The following TMEM17 variants were observed in gnomAD, a reference collection of about 807,000 sequenced individuals.
TMEM17 encodes the protein transmembrane protein 17.
In TMEM17, 15 loss-of-function variants were observed where a neutral mutation model predicts 19.1. The observed-to-expected ratio is 0.78, with a 90% CI of 0.52 to 1.21. TMEM17 has a LOEUF of 1.21. TMEM17 is among the 50% of genes most tolerant of loss of function. The probability of loss-of-function intolerance (pLI) is 0.00; values close to 1 mark genes in which losing one functional copy is unlikely to be tolerated. For synonymous variants in TMEM17, 103 were observed against 86.9 expected, an observed-to-expected ratio of 1.19 and a Z score of -1.03; for missense variants, 245 against 242.3, an observed-to-expected ratio of 1.01 and a Z score of -0.07.
the TMEM17 span, among the ~76,000 whole-genome samples, chr2:62,459,532 C>CA: frequency 6.6e-6 from 1 of 152,210 alleles, no homozygotes; most frequent in Non-Finnish European, 1.5e-5. Flanking sequence ...CCGGCTGTCA[C>CA]AACAAGGGAT....
At chr2:62,490,139 G>T in the TMEM17 span, among the ~76,000 whole-genome samples, 2 of 152,300 alleles carry the variant, frequency 1.3e-5, no homozygotes, top group African/African-American at 4.8e-5. Context: ...TGGTGCCACT[G>T]CACTCCAGCC....
the TMEM17 span, among the ~76,000 whole-genome samples, chr2:62,478,759 T>TA: frequency 1.6e-3 from 234 of 149,390 alleles, no homozygotes; most frequent in Middle Eastern, 0.01. Flanking sequence ...TTTCTTTATT[T>TA]AAAAAAAAAA....
intron 3 of TMEM17, chr2:62,502,234 A>T: frequency 7.7e-6 from 3 of 390,838 alleles, no homozygotes; most frequent in East Asian, 8.1e-5. Flanking sequence ...TGTGAAGTAA[A>T]TATTATTTTC....
downstream of TMEM17, among the ~76,000 whole-genome samples, chr2:62,497,174 G>C (rs1679800001): frequency 6.6e-6 from 1 of 152,176 alleles, no homozygotes; most frequent in Non-Finnish European, 1.5e-5. Context: ...ATCCAGGCCA[G>C]CTTGTTCTCG....
At chr2:62,474,096 C>G in the TMEM17 span, among the ~76,000 whole-genome samples, 1 of 152,136 alleles carries the variant, frequency 6.6e-6, no homozygotes, top group Non-Finnish European at 1.5e-5. Context: ...GCTTGTCAGG[C>G]TTTGGGAGTC....
At chr2:62,497,691 T>C (rs1183817589), downstream of TMEM17, among the ~76,000 whole-genome samples, 1 of 152,242 alleles carries the variant, frequency 6.6e-6, no homozygotes, top group Non-Finnish European at 1.5e-5. Context: ...TTTGCTTGCA[T>C]AGGCAAGTGG....
chr2:62,477,025 A>C, the TMEM17 span, among the ~76,000 whole-genome samples: 7 of 152,030 alleles, frequency 4.6e-5, no homozygotes, highest in Admixed American at 1.3e-4. Flanking sequence ...CTGGGGAGAG[A>C]GAGGGAAGGA....
chr2:62,465,824 A>G, the TMEM17 span, among the ~76,000 whole-genome samples: 1 of 152,206 alleles, frequency 6.6e-6, no homozygotes, highest in Admixed American at 6.5e-5. Flanking sequence ...GCAACAGCAG[A>G]TACTTAGATG....
chr2:62,496,356 A>G (rs948496299), downstream of TMEM17, among the ~76,000 whole-genome samples: 3 of 152,252 alleles, frequency 2.0e-5, no homozygotes, highest in Admixed American at 6.5e-5. Context: ...AGCTATATGC[A>G]TGAGATGTTC....
At chr2:62,476,051 C>A in the TMEM17 span, among the ~76,000 whole-genome samples, 19 of 152,284 alleles carry the variant, frequency 1.2e-4, no homozygotes, top group Middle Eastern at 0.01. Context: ...GCCTGCGTGC[C>A]CAGCAAGCAG....
At chr2:62,504,299 T>G (rs960049767) in intron 1 of TMEM17, among the ~76,000 whole-genome samples, 1 of 152,240 alleles carries the variant, frequency 6.6e-6, no homozygotes, top group Non-Finnish European at 1.5e-5. Context: ...CTCACCAGCC[T>G]AGGATCTTTT....
At chr2:62,501,688 C>T (rs1679933781) in intron 3 of TMEM17, 3 of 555,416 alleles carry the variant, frequency 5.4e-6, no homozygotes, top group East Asian at 3.0e-5. Flanking sequence ...TCCTAGAATA[C>T]TACACTTTAG....
chr2:62,480,928 A>ATT, the TMEM17 span, among the ~76,000 whole-genome samples: 9 of 151,440 alleles, frequency 5.9e-5, no homozygotes, highest in South Asian at 4.2e-4. Context: ...AAATTGTAAG[A>ATT]TTTTTTTTTC....
At chr2:62,464,181 G>C in the TMEM17 span, 1 of 152,238 alleles carries the variant, frequency 6.6e-6, no homozygotes, top group South Asian at 2.1e-4. Context: ...CTGGTGGAGG[G>C]CAGCTGCCCC....
chr2:62,495,009 C>T, the TMEM17 span, among the ~76,000 whole-genome samples: 23 of 151,840 alleles, frequency 1.5e-4, no homozygotes, highest in Admixed American at 4.6e-4. Context: ...AGCGAGACTC[C>T]GTCTCAAAAA....
chr2:62,481,992 G>C, the TMEM17 span, among the ~76,000 whole-genome samples: 1 of 152,264 alleles, frequency 6.6e-6, no homozygotes, highest in Admixed American at 6.5e-5. Context: ...CTCTGTCATG[G>C]AACTAAACAC....
intron 1 of TMEM17, 93 bp from the exon 2 acceptor site, chr2:62,502,887 T>C (rs975065746): frequency 1.0e-5 from 7 of 679,602 alleles, no homozygotes; most frequent in African/African-American, 9.4e-5. Flanking sequence ...AACTATAATA[T>C]TGGCTCAGTA....
At chr2:62,497,934 C>T (rs117401401), downstream of TMEM17, among the ~76,000 whole-genome samples, 20 of 152,306 alleles carry the variant, frequency 1.3e-4, 1 homozygote, top group East Asian at 3.7e-3. Context: ...TAAAGTTACG[C>T]TTTTTTACTT....
At chr2:62,498,725 AT>A (rs1312828398), downstream of TMEM17, among the ~76,000 whole-genome samples, 46 of 64,700 alleles carry the variant, frequency 7.1e-4, 1 homozygote, top group Admixed American at 2.9e-3. Context: ...CAAAAATAAA[AT>A]AAAATAAAAT....
Sources: gnomAD v4.1 joint callset for allele counts (sites outside exome capture counted in the v4.1 genomes callset) on GRCh38, gnomAD v4.1.1 for gene constraint, MANE v1.5 for transcripts, NCBI Gene and HGNC (gene_info 2026-07-23, HGNC 2026-07-21) for gene names.